Variants in RARB observed in about 807,000 individuals in gnomAD.
RARB encodes retinoic acid receptor beta, also known as HBV-activated protein.
RARB carries 17 observed loss-of-function variants against 51.9 expected under a neutral mutation model. That is an observed-to-expected ratio of 0.33 (90% CI 0.22 to 0.49). The LOEUF is 0.49. Among genes scored for constraint, RARB ranks in the 20% least tolerant of loss-of-function variants. The pLI, the probability that RARB is intolerant of heterozygous loss-of-function variation, is 0.99. For missense variants in RARB, 369 were observed against 550.8 expected, an observed-to-expected ratio of 0.67 and a Z score of 3.30; for synonymous variants, 215 against 195.4, an observed-to-expected ratio of 1.10 and a Z score of -0.84.
intron 3 of RARB, among the ~76,000 whole-genome samples, chr3:25,541,444 C>T (rs1699376712): frequency 6.6e-6 from 1 of 152,172 alleles, no homozygotes; most frequent in African/African-American, 2.4e-5. Flanking sequence ...TTCCTATCTA[C>T]CTCTCCAGTG....
intron 3 of RARB, among the ~76,000 whole-genome samples, chr3:25,128,804 C>T (rs1010677419): frequency 1.3e-5 from 2 of 150,896 alleles, no homozygotes; most frequent in South Asian, 2.1e-4. Flanking sequence ...ATGATGAACT[C>T]GAGGAAATTT....
upstream of RARB, among the ~76,000 whole-genome samples, chr3:25,426,407 A>C (rs1707989724): frequency 6.6e-6 from 1 of 152,240 alleles, no homozygotes; most frequent in South Asian, 2.1e-4. Context: ...AAATTGTTTT[A>C]ATGTACCTTC....
intron 5 of RARB, chr3:25,259,079 G>A (rs1240744780): frequency 5.1e-6 from 5 of 985,024 alleles, no homozygotes; most frequent in African/African-American, 1.7e-5. Context: ...ATGAGAAACA[G>A]TACAGCAACC....
rs373678612 is a variant in RARB, at chr3:24,869,898, C to T, written c.-380+11146C>T. ...GTATGAGTATTCCAGTTGTTTTATACGTTCATCAGCCTTTTATATTGTGAA... is the reference window on the plus strand; with the variant it reads ...GTATGAGTATTCCAGTTGTTTTATATGTTCATCAGCCTTTTATATTGTGAA... On this transcript the variant is annotated intron_variant, in intron 2 of 11. Coordinates refer to the RARB transcript ENST00000383772. 2.5e-4 allele frequency among the ~76,000 whole-genome samples: 38 copies of T among 152,076 alleles called. No individual in the cohort carries two copies. The South Asian group carries it at 6.8e-3, about 27-fold the overall frequency.
At chr3:24,903,941 A>G (rs1694786850) in intron 2 of RARB, among the ~76,000 whole-genome samples, 3 of 152,182 alleles carry the variant, frequency 2.0e-5, no homozygotes, top group South Asian at 4.1e-4. Flanking sequence ...AGTAAAAACC[A>G]TATTTCTGAA....
intron 2 of RARB, among the ~76,000 whole-genome samples, chr3:25,034,724 A>G (rs903531645): frequency 6.6e-6 from 1 of 152,042 alleles, no homozygotes; most frequent in Non-Finnish European, 1.5e-5. Flanking sequence ...ACACAAGCCT[A>G]CATACAATGT....
intron 2 of RARB, among the ~76,000 whole-genome samples, chr3:24,951,565 T>C (rs1174011169): frequency 6.6e-6 from 1 of 152,160 alleles, no homozygotes; most frequent in African/African-American, 2.4e-5. Flanking sequence ...CGATGACATA[T>C]AAGATCAATA....
chr3:25,283,629 T>A (rs1433437195), intron 5 of RARB, among the ~76,000 whole-genome samples: 2 of 152,218 alleles, frequency 1.3e-5, no homozygotes, highest in Non-Finnish European at 2.9e-5. Flanking sequence ...ACTGTTTCTC[T>A]CCCTGACACA....
chr3:25,325,009 G>A (rs1047398170), intron 5 of RARB, among the ~76,000 whole-genome samples: 5 of 152,208 alleles, frequency 3.3e-5, no homozygotes, highest in African/African-American at 1.2e-4. Flanking sequence ...ATTAGGAAGT[G>A]AAGAAACAAA....
chr3:25,371,597 T>A (rs1706301016), intron 5 of RARB, among the ~76,000 whole-genome samples: 1 of 152,226 alleles, frequency 6.6e-6, no homozygotes, highest in South Asian at 2.1e-4. Context: ...GGAGGGCACT[T>A]TTCCAGTGGA....
At chr3:25,332,500 A>C (rs1179685428) in intron 5 of RARB, among the ~76,000 whole-genome samples, 3 of 152,210 alleles carry the variant, frequency 2.0e-5, no homozygotes, top group African/African-American at 7.2e-5. Flanking sequence ...AACTCTCAAT[A>C]AACTAGGTAT....
At chr3:25,380,976 T>A (rs530424638) in intron 5 of RARB, among the ~76,000 whole-genome samples, 3 of 152,232 alleles carry the variant, frequency 2.0e-5, no homozygotes, top group Non-Finnish European at 4.4e-5. Context: ...CATCTGGTTA[T>A]TTTTACCGTT....
At chr3:25,529,516 A>G (rs1204634194) in intron 3 of RARB, among the ~76,000 whole-genome samples, 4 of 152,230 alleles carry the variant, frequency 2.6e-5, no homozygotes, top group Admixed American at 2.6e-4. Flanking sequence ...ATGGATAGAA[A>G]TGTGATAAAA....
chr3:25,359,412 T>TAAA (rs201183695), intron 5 of RARB, among the ~76,000 whole-genome samples: 18 of 151,270 alleles, frequency 1.2e-4, no homozygotes, highest in South Asian at 8.4e-4. Context: ...GTTAATTTTT[T>TAAA]AAAAAAATAC....
chr3:24,875,877 A>G (rs536639663), intron 2 of RARB, among the ~76,000 whole-genome samples: 62 of 152,204 alleles, frequency 4.1e-4, no homozygotes, highest in African/African-American at 1.5e-3. Context: ...ATAGTTTTCT[A>G]TCATCTTCAC....
At chr3:25,054,736 C>A (rs2125301257) in intron 2 of RARB, among the ~76,000 whole-genome samples, 1 of 152,190 alleles carries the variant, frequency 6.6e-6, no homozygotes, top group Admixed American at 6.5e-5. Flanking sequence ...CTGTGTCTAC[C>A]TAGCTGTTTT....
At chr3:25,455,585 G>A (rs1443112119) in intron 1 of RARB, among the ~76,000 whole-genome samples, 1 of 152,192 alleles carries the variant, frequency 6.6e-6, no homozygotes, top group Non-Finnish European at 1.5e-5. Context: ...CGAGGACAAT[G>A]CTGCAGATTT....
intron 5 of RARB, among the ~76,000 whole-genome samples, chr3:25,328,592 C>G (rs547369560): frequency 2.7e-4 from 41 of 152,298 alleles, no homozygotes; most frequent in South Asian, 1.0e-3. Context: ...GAGCTCCAGT[C>G]TACAGCTCCC....
At chr3:25,305,045 A>T (rs1704123840) in intron 5 of RARB, among the ~76,000 whole-genome samples, 1 of 152,154 alleles carries the variant, frequency 6.6e-6, no homozygotes, top group Non-Finnish European at 1.5e-5. Context: ...GGAGATTTTC[A>T]CAGTGTGCAC....
Sources: gnomAD v4.1 joint callset for allele counts (sites outside exome capture counted in the v4.1 genomes callset) on GRCh38, gnomAD v4.1.1 for gene constraint, MANE v1.5 for transcripts, NCBI Gene and HGNC (gene_info 2026-07-23, HGNC 2026-07-21) for gene names.